The following PODXL variants were observed in gnomAD, a reference collection of about 807,000 sequenced individuals.
The protein encoded by PODXL is podocalyxin like, also known as podocalyxin.
In PODXL, 20 loss-of-function variants were observed where a neutral mutation model predicts 48.9. That is an observed-to-expected ratio of 0.41 (90% CI 0.29 to 0.59). The LOEUF (loss-of-function observed/expected upper bound fraction) is 0.59, where lower values mean the gene tolerates loss of function less well. PODXL is among the 20% of genes least tolerant of loss of function. PODXL has a pLI of 0.31. For missense variants in PODXL, 606 were observed against 675.1 expected (o/e 0.90, Z 1.13); for synonymous variants, 295 against 287.4 (o/e 1.03, Z -0.27).
At chr7:131,547,547 T>G (rs939782101) in intron 1 of PODXL, among the ~76,000 whole-genome samples, 1 of 152,168 alleles carries the variant, frequency 6.6e-6, no homozygotes, top group African/African-American at 2.4e-5. Flanking sequence ...CTAACAAGTG[T>G]CGAAGCTGTG....
At position 131,504,324 on chromosome 7, in the gene PODXL, T is replaced by G. The variant is rs754228497; in HGVS notation, c.1664A>C (p.Asp555Ala). Reference protein sequence around the residue: ...LTKDDLDEEEDTHL With the variant: ...LTKDDLDEEEATHL ...CGGCAGACCGGACTAGAGGTGTGTG[T>G]CTTCCTCCTCATCCAGGTCGTCCTT... Residue 555 changes from aspartate to alanine, a missense_variant, in exon 9 of 9, where the codon GAC (aspartate) becomes GCC (alanine). Asp to Ala is a moderately radical substitution (Grantham distance 126, BLOSUM62 -2). Transcript: ENST00000378555. 1 of 1,614,076 alleles carries G rather than the reference T, an allele frequency of 6.2e-7. No homozygotes were observed. The highest frequency in any genetic ancestry group is 8.5e-7 in the Non-Finnish European group (1 of 1,179,954).
At chr7:131,547,641 T>C (rs1268031666) in intron 1 of PODXL, among the ~76,000 whole-genome samples, 1 of 152,120 alleles carries the variant, frequency 6.6e-6, no homozygotes, top group Non-Finnish European at 1.5e-5. Flanking sequence ...CACAGCAAAA[T>C]TTTTTGTCAA....
At chr7:131,555,927 G>A (rs998460579) in intron 1 of PODXL, among the ~76,000 whole-genome samples, 4 of 152,244 alleles carry the variant, frequency 2.6e-5, no homozygotes, top group African/African-American at 9.6e-5. Context: ...GAGTCCCGCA[G>A]AAGCGTGGAG....
intron 1 of PODXL, among the ~76,000 whole-genome samples, chr7:131,523,696 A>G (rs1210906869): frequency 9.7e-6 from 1 of 103,586 alleles, no homozygotes; most frequent in African/African-American, 8.6e-5. Context: ...AAAAAAAAAA[A>G]AAAAAACAAG....
intron 1 of PODXL, among the ~76,000 whole-genome samples, chr7:131,511,984 C>T (rs1473605403): frequency 6.6e-6 from 1 of 152,184 alleles, no homozygotes; most frequent in Non-Finnish European, 1.5e-5. Flanking sequence ...GGCACGTGGC[C>T]CACAGAAAAT....
At chr7:131,512,534 C>T (rs952768041) in intron 1 of PODXL, among the ~76,000 whole-genome samples, 4 of 152,030 alleles carry the variant, frequency 2.6e-5, no homozygotes, top group South Asian at 2.1e-4. Flanking sequence ...GCAAAGCCCC[C>T]GAGTAGGGAA....
chr7:131,543,824 C>T lies in PODXL; in HGVS notation c.100+12436G>A, dbSNP rs77992593. On this transcript the variant is annotated intron_variant, in intron 1 of 8. Coordinates refer to ENST00000378555, the MANE Select transcript of PODXL (RefSeq NM_001018111.3). ...CCCCCCTTCACATTACCCAGGAATC[C>T]GTGGTGTCACTGCCTGTCCCCAGAA... Among the ~76,000 whole-genome samples the T allele has an allele frequency of 2.6e-4, 39 of 152,238 alleles. No homozygotes were observed. In the East Asian group the frequency reaches 6.2e-3, roughly 24 times the overall value.
At chr7:131,553,527 C>T (rs1798697987) in intron 1 of PODXL, among the ~76,000 whole-genome samples, 1 of 152,154 alleles carries the variant, frequency 6.6e-6, no homozygotes, top group Non-Finnish European at 1.5e-5. Flanking sequence ...GGGCGTAAAG[C>T]CAAGCCCATG....
At chr7:131,506,905 C>A (rs1797817390) in intron 5 of PODXL, 179 bp from the exon 6 acceptor site, 1 of 635,286 alleles carries the variant, frequency 1.6e-6, no homozygotes, top group Non-Finnish European at 2.7e-6. Flanking sequence ...GCATGCTGTT[C>A]TCCTGGGCCA....
intron 1 of PODXL, among the ~76,000 whole-genome samples, chr7:131,538,666 C>T (rs1398553218): frequency 1.3e-5 from 2 of 152,140 alleles, no homozygotes; most frequent in Non-Finnish European, 2.9e-5. Flanking sequence ...GTCGCCACTC[C>T]CTGGGGCTCA....
Position 131,556,293 on chromosome 7 carries a change from A to T in PODXL, c.67T>A (p.Ser23Thr). 6.7e-7 allele frequency: 1 copy of T among 1,493,198 alleles called. No homozygotes were observed. The highest frequency in any genetic ancestry group is 8.9e-7 in the Non-Finnish European group (1 of 1,126,626). 92.5% of individuals were successfully genotyped at this position (1,493,198 alleles called of 1,614,324 possible). ...LLSTPPLLPS[S>T]PSPSPSPSQN... is the part of the protein sequence containing the mutation. Reference sequence around the variant, plus strand: ...GAGGGCGACGGCGACGGCGACGGCGACGACGGCAGCAGCGGCGGCGTTGAC... The same window carrying T: ...GAGGGCGACGGCGACGGCGACGGCGTCGACGGCAGCAGCGGCGGCGTTGAC... The change falls in exon 1 of 9, where the codon TCG becomes ACG. Residue 23 changes from serine (S) to threonine (T), a missense_variant. By Grantham distance (58) the Ser-to-Thr change is moderately conservative. Coordinates refer to ENST00000378555, the MANE Select transcript of PODXL (RefSeq NM_001018111.3).
chr7:131,527,494 T>G (rs922331191), intron 1 of PODXL, among the ~76,000 whole-genome samples: 9 of 152,218 alleles, frequency 5.9e-5, no homozygotes, highest in Admixed American at 5.9e-4. Flanking sequence ...CTGCTTTAGA[T>G]TCACGTTTTA....
At chr7:131,509,195 G>T in intron 4 of PODXL, 167 bp from the exon 5 acceptor site, 1 of 813,286 alleles carries the variant, frequency 1.2e-6, no homozygotes, top group Non-Finnish European at 2.1e-6. Context: ...CTTGAGGGCA[G>T]CTCAAGCCAG....
intron 1 of PODXL, among the ~76,000 whole-genome samples, chr7:131,544,568 G>A (rs1344220293): frequency 6.6e-6 from 1 of 151,980 alleles, no homozygotes; most frequent in Non-Finnish European, 1.5e-5. Context: ...TGCTCTCAGG[G>A]CCTCCAGATC....
chr7:131,510,859 G>T lies in PODXL; in HGVS notation c.675C>A (p.Thr225=), dbSNP rs765786274. 1.2e-6 allele frequency: 2 copies of T among 1,614,126 alleles called. No homozygotes were observed. Among genetic ancestry groups the T allele is most frequent in the Non-Finnish European group, 1.7e-6 (2 of 1,180,010 alleles). The change falls in exon 2 of 9, where the codon ACC becomes ACA. Residue 225 remains threonine, a synonymous_variant. Transcript: ENST00000378555. ...SSSTVAIPGY[T]FTSPGMTTTL... Reference sequence around the variant, plus strand: ...TGGTGGTCATCCCCGGGCTTGTGAAGGTGTAGCCAGGGATAGCCACAGTGC... The same window carrying T: ...TGGTGGTCATCCCCGGGCTTGTGAATGTGTAGCCAGGGATAGCCACAGTGC...
intron 1 of PODXL, among the ~76,000 whole-genome samples, chr7:131,529,949 G>C (rs1222657537): frequency 6.1e-5 from 2 of 32,620 alleles, no homozygotes; most frequent in Non-Finnish European, 3.9e-4. Context: ...AGGGGTATAG[G>C]CGGGAGGGCT....
chr7:131,510,321 C>T lies in PODXL; in HGVS notation c.717G>A (p.Val239=). 1 of 212,866 alleles carries T rather than the reference C, an allele frequency of 4.7e-6. No homozygotes were observed. The highest frequency in any genetic ancestry group is 8.8e-6 in the Non-Finnish European group (1 of 114,110). The allele number at this position is 212,866 out of a possible 1,614,324, so 13.2% of individuals were successfully genotyped here. A position where few individuals can be genotyped will look rare whatever the true frequency, so the allele number is the denominator to read the frequency against. ...GACCAGCCTGGCTGACATGGTGAAA[C>T]ACTGTCTCTACTTGAAAAAAAAAAA... The part of the protein sequence containing the change: ...PGMTTTLLET[V]FHHVSQAGLE... The change falls in exon 3 of 9, where the codon GTG becomes GTA. Residue 239 remains valine (V), a synonymous_variant. Coordinates refer to ENST00000378555, the MANE Select transcript of PODXL (RefSeq NM_001018111.3).
chr7:131,523,188 C>A (rs971599578), intron 1 of PODXL, among the ~76,000 whole-genome samples: 4 of 152,326 alleles, frequency 2.6e-5, no homozygotes, highest in African/African-American at 7.2e-5. Context: ...TCCTTGCCAA[C>A]AGTTATCATC....
At chr7:131,548,499 C>T (rs571109807) in intron 1 of PODXL, among the ~76,000 whole-genome samples, 1 of 152,336 alleles carries the variant, frequency 6.6e-6, no homozygotes, top group East Asian at 1.9e-4. Context: ...GGGAGGCACA[C>T]TCTAAAGAGG....
Sources: allele counts gnomAD v4.1 joint callset (sites outside exome capture counted in the v4.1 genomes callset), GRCh38; gene constraint gnomAD v4.1.1; transcripts MANE v1.5; gene names NCBI Gene and HGNC (gene_info 2026-07-23, HGNC 2026-07-21).